Variants in ZNF469 observed in about 807,000 individuals in gnomAD.
The protein encoded by ZNF469 is zinc finger protein 469.
ZNF469 carries 1 observed loss-of-function variant against 1.0 expected under a neutral mutation model. That is an observed-to-expected ratio of 1.00 (90% CI 0.35 to 4.73). The LOEUF is 4.73. Ranked by LOEUF, ZNF469 falls within the 30% of genes most tolerant of loss-of-function variation. The pLI is 0.16. For synonymous variants in ZNF469, 2,703 were observed against 2,363.4 expected, an observed-to-expected ratio of 1.14 and a Z score of -4.17; for missense variants, 6,100 against 5,356.3, an observed-to-expected ratio of 1.14 and a Z score of -4.33.
the ZNF469 span, among the ~76,000 whole-genome samples, chr16:88,309,301 T>C: frequency 6.6e-6 from 1 of 152,222 alleles, no homozygotes. Flanking sequence ...TGGCCAGCCC[T>C]ACAGGGACAC....
the ZNF469 span, among the ~76,000 whole-genome samples, chr16:88,160,698 G>A: frequency 1.3e-5 from 2 of 151,982 alleles, no homozygotes; most frequent in Non-Finnish European, 2.9e-5. Context: ...TTAGGGTTGA[G>A]GCACTGCTGT....
At position 88,433,405 on chromosome 16, in the gene ZNF469, G is replaced by A. The variant is rs780898496; in HGVS notation, c.5935G>A (p.Ala1979Thr). The change falls in exon 3 of 3, where the codon GCA becomes ACA. Residue 1979 changes from alanine to threonine, a missense_variant. Ala to Thr is a moderately conservative substitution (Grantham distance 58). Transcript: ENST00000565624. ...GGCCGGACATCAGCTGGGGCTGGAG[G>A]CAGATGGACATTGGGGCTTGCTTGG... Reference protein sequence around the residue: ...AVAGHQLGLEADGHWGLLGQA... With the variant: ...AVAGHQLGLETDGHWGLLGQA... 3.9e-6 allele frequency: 6 copies of A among 1,550,342 alleles called. No homozygotes were observed. The highest frequency in any genetic ancestry group is 5.2e-6 in the Non-Finnish European group (6 of 1,146,948).
chr16:88,186,815 G>T, the ZNF469 span, among the ~76,000 whole-genome samples: 1 of 152,224 alleles, frequency 6.6e-6, no homozygotes, highest in East Asian at 1.9e-4. Flanking sequence ...GGGTTCTGGC[G>T]GGGCGGGGGG....
chr16:88,396,188 T>C (rs531967661), intron 1 of ZNF469, among the ~76,000 whole-genome samples: 1 of 152,364 alleles, frequency 6.6e-6, no homozygotes, highest in Admixed American at 6.5e-5. Flanking sequence ...AATAGAGAAT[T>C]TCTTGGCTTG....
chr16:88,381,277 C>G (rs1215353015), upstream of ZNF469, among the ~76,000 whole-genome samples: 2 of 150,980 alleles, frequency 1.3e-5, no homozygotes, highest in Admixed American at 6.6e-5. Context: ...CAGACATGCA[C>G]TCACACACAC....
chr16:88,396,743 ATAAAGGGAGGCCAGGAGGAGACCCTCG>A (rs1904682723), intron 1 of ZNF469, among the ~76,000 whole-genome samples: 5 of 110,898 alleles, frequency 4.5e-5, no homozygotes, highest in Non-Finnish European at 9.3e-5. Flanking sequence ...GGAGACCCTC[ATAAAGGGAGGCCAGGAGGAGACCCTCG>A]TGAAGGGAGG....
chr16:88,286,413 G>A, the ZNF469 span, among the ~76,000 whole-genome samples: 1 of 152,246 alleles, frequency 6.6e-6, no homozygotes, highest in Non-Finnish European at 1.5e-5. Context: ...GCTCGCTGGT[G>A]CCCTCTTCTC....
the ZNF469 span, among the ~76,000 whole-genome samples, chr16:88,223,220 T>C: frequency 6.6e-6 from 1 of 152,156 alleles, no homozygotes; most frequent in East Asian, 1.9e-4. Context: ...AACTGAACCA[T>C]GGGGGCCGTT....
the ZNF469 span, among the ~76,000 whole-genome samples, chr16:88,125,959 C>T: frequency 2.0e-5 from 3 of 151,800 alleles, no homozygotes; most frequent in Admixed American, 6.6e-5. Context: ...GAGGCCAATG[C>T]GGGTGGATTG....
At chr16:88,345,946 T>A in the ZNF469 span, among the ~76,000 whole-genome samples, 3 of 152,256 alleles carry the variant, frequency 2.0e-5, no homozygotes, top group South Asian at 6.2e-4. Flanking sequence ...TGGCATCGCA[T>A]CACCCTGGAA....
the ZNF469 span, among the ~76,000 whole-genome samples, chr16:88,318,780 G>T: frequency 6.6e-6 from 1 of 152,264 alleles, no homozygotes; most frequent in Non-Finnish European, 1.5e-5. Context: ...GAGGGAGGGA[G>T]TCTGTGCAGA....
At chr16:88,274,057 C>G in the ZNF469 span, among the ~76,000 whole-genome samples, 1 of 152,212 alleles carries the variant, frequency 6.6e-6, no homozygotes, top group Non-Finnish European at 1.5e-5. Flanking sequence ...CCTGCCTCGG[C>G]CTCCCAAAGT....
chr16:88,156,316 G>A, the ZNF469 span, among the ~76,000 whole-genome samples: 1 of 152,068 alleles, frequency 6.6e-6, no homozygotes, highest in Non-Finnish European at 1.5e-5. Context: ...CCTGACCCAG[G>A]GTGATAAAGA....
At chr16:88,293,337 G>A in the ZNF469 span, among the ~76,000 whole-genome samples, 21 of 151,804 alleles carry the variant, frequency 1.4e-4, no homozygotes, top group Admixed American at 1.4e-3. Context: ...TGGATGGATG[G>A]ATGGATGGAT....
chr16:88,219,645 A>G, the ZNF469 span, among the ~76,000 whole-genome samples: 1 of 151,846 alleles, frequency 6.6e-6, no homozygotes, highest in Non-Finnish European at 1.5e-5. Context: ...CTTAAACATT[A>G]GACCTAAAAC....
chr16:88,385,473 TA>T (rs367935020), intron 1 of ZNF469, among the ~76,000 whole-genome samples: 232 of 148,584 alleles, frequency 1.6e-3, no homozygotes, highest in African/African-American at 5.2e-3. Context: ...CCATCTCTAC[TA>T]AAAAAAAAAT....
chr16:88,342,102 CG>C, the ZNF469 span, among the ~76,000 whole-genome samples: 9,711 of 152,040 alleles, frequency 0.064, 383 homozygotes, highest in South Asian at 0.13. Flanking sequence ...CGAAGAAGGC[CG>C]GTGGGAGAGG....
the ZNF469 span, among the ~76,000 whole-genome samples, chr16:88,136,597 G>C: frequency 4.1e-3 from 618 of 152,366 alleles, 6 homozygotes; most frequent in African/African-American, 0.014. Context: ...ATGTAGCGTG[G>C]GCCCCGCCCG....
chr16:88,416,934 G>C (rs1597200180), intron 1 of ZNF469, among the ~76,000 whole-genome samples: 1 of 152,238 alleles, frequency 6.6e-6, no homozygotes, highest in East Asian at 1.9e-4. Flanking sequence ...GCCTGGGACT[G>C]TCAGGTCAAG....
Sources: allele counts gnomAD v4.1 joint callset (sites outside exome capture counted in the v4.1 genomes callset), GRCh38; gene constraint gnomAD v4.1.1; transcripts MANE v1.5; gene names NCBI Gene and HGNC (gene_info 2026-07-23, HGNC 2026-07-21).